The following CD2AP variants were observed in gnomAD, a reference collection of about 807,000 sequenced individuals.
CD2AP encodes the protein CD2-associated protein.
A neutral mutation model predicts 85.1 loss-of-function variants in CD2AP; 46 were observed. The observed-to-expected ratio is 0.54, with a 90% CI of 0.43 to 0.69. CD2AP has a LOEUF of 0.69. CD2AP is among the 30% of genes least tolerant of loss of function. CD2AP has a pLI of 0.00. For synonymous variants in CD2AP, 255 were observed against 252.9 expected (o/e 1.01, Z -0.08); for missense variants, 769 against 729.5 (o/e 1.05, Z -0.62).
At chr6:47,603,641 G>A (rs75242116) in intron 13 of CD2AP, among the ~76,000 whole-genome samples, 1,875 of 152,116 alleles carry the variant, frequency 0.012, 23 homozygotes, top group Admixed American at 0.019. Flanking sequence ...ATAGTTATAT[G>A]CCAAACATTG....
intron 4 of CD2AP, among the ~76,000 whole-genome samples, chr6:47,547,270 A>T (rs1411670857): frequency 6.6e-6 from 1 of 152,192 alleles, no homozygotes; most frequent in Non-Finnish European, 1.5e-5. Flanking sequence ...ATGGACAGGA[A>T]TTCACCAACC....
At chr6:47,498,151 A>T (rs1470955871) in intron 1 of CD2AP, among the ~76,000 whole-genome samples, 1 of 152,152 alleles carries the variant, frequency 6.6e-6, no homozygotes, top group South Asian at 2.1e-4. Context: ...ATGTAATTTC[A>T]TATGTGAGAG....
chr6:47,612,498 G>A lies in CD2AP; in HGVS notation c.1840G>A (p.Asp614Asn). ...HGKELEKLRKDLEEEKTMRSN... is the reference protein window; with the variant it reads ...HGKELEKLRKNLEEEKTMRSN... The stretch of plus-strand genomic sequence containing the variant: ...GAAAGAACTGGAAAAACTGCGAAAA[G>A]ATTTGGAAGAAGAGAAGACAATGAG... The change falls in exon 17 of 18, where the codon GAT becomes AAT. Residue 614 changes from aspartate to asparagine, a missense_variant. Asp to Asn is a conservative substitution (Grantham distance 23). Coordinates refer to ENST00000359314, the MANE Select transcript of CD2AP (RefSeq NM_012120.3). 1 of 1,607,478 alleles carries A rather than the reference G, an allele frequency of 6.2e-7. No homozygotes were observed. The highest frequency in any genetic ancestry group is 8.5e-7 in the Non-Finnish European group (1 of 1,174,416).
intron 2 of CD2AP, among the ~76,000 whole-genome samples, chr6:47,519,136 A>G (rs1285832589): frequency 1.3e-5 from 2 of 152,238 alleles, no homozygotes; most frequent in South Asian, 2.1e-4. Context: ...GGTGGGGCAG[A>G]CAAATATGCA....
chr6:47,559,021 A>G lies in CD2AP; in HGVS notation c.541+4255A>G, dbSNP rs192464808. On this transcript the variant is annotated intron_variant, in intron 5 of 17. Coordinates refer to ENST00000359314, the MANE Select transcript of CD2AP (RefSeq NM_012120.3). ...TTCAAAACTTGTTATTGGTCTATTC[A>G]GGGATTTGGCTTCTTCCTGTTTTAG... Among the ~76,000 whole-genome samples, 6 of 152,262 alleles carry G rather than the reference A, an allele frequency of 3.9e-5. No individual in the cohort carries two copies. In the East Asian group the frequency reaches 1.2e-3, roughly 29 times the overall value.
At chr6:47,490,909 G>A (rs1198364525) in intron 1 of CD2AP, among the ~76,000 whole-genome samples, 8 of 152,030 alleles carry the variant, frequency 5.3e-5, no homozygotes, top group African/African-American at 1.7e-4. Context: ...ACTTATCTCT[G>A]TTGAAAAACA....
intron 5 of CD2AP, among the ~76,000 whole-genome samples, chr6:47,559,281 G>T (rs1767783844): frequency 6.8e-6 from 1 of 147,988 alleles, no homozygotes; most frequent in Admixed American, 6.7e-5. Context: ...TTTTTAACAG[G>T]CAGGGTTTCA....
intron 2 of CD2AP, among the ~76,000 whole-genome samples, chr6:47,524,005 A>G (rs540502543): frequency 1.3e-5 from 2 of 152,308 alleles, no homozygotes; most frequent in Admixed American, 1.3e-4. Context: ...CTATAAAACA[A>G]ATCTTTTAAA....
intron 1 of CD2AP, among the ~76,000 whole-genome samples, chr6:47,493,932 G>A (rs1237586294): frequency 1.3e-5 from 2 of 151,980 alleles, no homozygotes; most frequent in Non-Finnish European, 2.9e-5. Context: ...GAGATTCTAT[G>A]TGCTTACCAT....
intron 17 of CD2AP, among the ~76,000 whole-genome samples, chr6:47,618,538 A>AAT (rs1264035906): frequency 6.6e-6 from 1 of 152,018 alleles, no homozygotes; most frequent in East Asian, 1.9e-4. Flanking sequence ...ATTATTGACA[A>AAT]ATTAATGAAA....
intron 2 of CD2AP, among the ~76,000 whole-genome samples, chr6:47,505,854 A>AC (rs1280530349): frequency 1.0e-5 from 1 of 95,806 alleles, no homozygotes; most frequent in East Asian, 3.2e-4. Flanking sequence ...GGGGGGGCTG[A>AC]CCCCCCACCT....
intron 2 of CD2AP, among the ~76,000 whole-genome samples, chr6:47,527,389 G>C (rs1766758666): frequency 6.6e-6 from 1 of 152,200 alleles, no homozygotes; most frequent in African/African-American, 2.4e-5. Context: ...AGAGACCAAA[G>C]TGATTCCAAT....
At position 47,527,146 on chromosome 6, in the gene CD2AP, A is replaced by G. The variant is rs187345628; in HGVS notation, c.166-6456A>G. On this transcript the variant is annotated intron_variant, in intron 2 of 17. Coordinates refer to ENST00000359314, the MANE Select transcript of CD2AP (RefSeq NM_012120.3). Reference sequence around the variant, plus strand: ...AAATATTCATTGTTCTTTTAAAAAAAGAAAAGTTTTTTTGAACAGTTACAT... The same window carrying G: ...AAATATTCATTGTTCTTTTAAAAAAGGAAAAGTTTTTTTGAACAGTTACAT... Among the ~76,000 whole-genome samples the G allele has an allele frequency of 2.5e-3, 380 of 152,298 alleles. 1 individual carries two copies. The highest frequency in any genetic ancestry group is 8.4e-3 in the African/African-American group (351 of 41,558).
chr6:47,500,389 T>G (rs1765969658), intron 1 of CD2AP, among the ~76,000 whole-genome samples: 1 of 152,218 alleles, frequency 6.6e-6, no homozygotes. Flanking sequence ...CCTTAGGTTC[T>G]CTAGGCTTCC....
At chr6:47,540,236 G>A (rs949155017) in intron 3 of CD2AP, among the ~76,000 whole-genome samples, 1 of 149,328 alleles carries the variant, frequency 6.7e-6, no homozygotes, top group East Asian at 1.9e-4. Flanking sequence ...TTTTAAAATG[G>A]ACTTAATTTC....
intron 2 of CD2AP, among the ~76,000 whole-genome samples, chr6:47,508,118 T>C (rs9349410): frequency 0.87 from 133,174 of 152,274 alleles, 58,550 homozygotes; most frequent in Non-Finnish European, 0.92. Flanking sequence ...GCTGCATTAG[T>C]CCCTAGCAAG....
chr6:47,550,738 T>G (rs2114055945), intron 4 of CD2AP, among the ~76,000 whole-genome samples: 1 of 152,230 alleles, frequency 6.6e-6, no homozygotes, highest in South Asian at 2.1e-4. Flanking sequence ...CACACATGTT[T>G]ATAGCAGCAC....
At position 47,565,476 on chromosome 6, in the gene CD2AP, A is replaced by G. The variant is rs573283984; in HGVS notation, c.542-8588A>G. ...GTGACTGTATATACTTGTCTTTTCCACCCTTTTCTAAAAGTCTTCCACATT... is the reference window on the plus strand; with the variant it reads ...GTGACTGTATATACTTGTCTTTTCCGCCCTTTTCTAAAAGTCTTCCACATT... On this transcript the variant is annotated intron_variant, in intron 5 of 17. Coordinates refer to ENST00000359314, the MANE Select transcript of CD2AP (RefSeq NM_012120.3). Among the ~76,000 whole-genome samples the G allele has an allele frequency of 2.0e-5, 3 of 152,084 alleles. No individual in the cohort carries two copies. In the East Asian group the frequency reaches 5.8e-4, roughly 29 times the overall value.
intron 2 of CD2AP, among the ~76,000 whole-genome samples, chr6:47,505,893 G>A (rs9689834): frequency 2.8e-3 from 318 of 111,882 alleles, no homozygotes; most frequent in African/African-American, 0.011. Flanking sequence ...CTGGCCGGGC[G>A]GGGGGCTGAC....
Sources: allele counts gnomAD v4.1 joint callset (sites outside exome capture counted in the v4.1 genomes callset), GRCh38; gene constraint gnomAD v4.1.1; transcripts MANE v1.5; gene names NCBI Gene and HGNC (gene_info 2026-07-23, HGNC 2026-07-21).